Variants in MAGI2 observed in about 807,000 individuals in gnomAD.
MAGI2 encodes membrane associated guanylate kinase, WW and PDZ domain containing 2.
Under a neutral mutation model 133.3 loss-of-function variants are expected in MAGI2, and 35 were observed. The observed-to-expected ratio is 0.26, with a 90% confidence interval of 0.20 to 0.35. The LOEUF (loss-of-function observed/expected upper bound fraction) is 0.35. Among genes scored for constraint, MAGI2 ranks in the 10% least tolerant of loss-of-function variants. The pLI is 1.00. For missense variants in MAGI2, 1,636 were observed against 1,863.4 expected, an observed-to-expected ratio of 0.88 and a Z score of 2.25; for synonymous variants, 729 against 710.6, an observed-to-expected ratio of 1.03 and a Z score of -0.41.
At chr7:79,148,272 T>C (rs1263015476) in intron 1 of MAGI2, among the ~76,000 whole-genome samples, 7 of 152,282 alleles carry the variant, frequency 4.6e-5, no homozygotes, top group Admixed American at 1.3e-4. Context: ...TAGGATGCTT[T>C]GCTTCTCACT....
intron 9 of MAGI2, among the ~76,000 whole-genome samples, chr7:78,319,206 T>C (rs1212068809): frequency 6.6e-6 from 1 of 152,216 alleles, no homozygotes; most frequent in African/African-American, 2.4e-5. Context: ...ATCAGTGTGC[T>C]GTATTCAGGA....
intron 10 of MAGI2, among the ~76,000 whole-genome samples, chr7:78,245,222 T>C (rs1791637032): frequency 6.6e-6 from 1 of 152,158 alleles, no homozygotes; most frequent in African/African-American, 2.4e-5. Context: ...AGGATAAAAC[T>C]CCAGGGGGAT....
At chr7:78,354,853 C>G (rs1182407793) in intron 7 of MAGI2, among the ~76,000 whole-genome samples, 1 of 152,078 alleles carries the variant, frequency 6.6e-6, no homozygotes, top group African/African-American at 2.4e-5. Context: ...TCTTTAAATA[C>G]CTTGCCACTA....
chr7:79,056,006 CATT>C (rs1813114975), intron 1 of MAGI2, among the ~76,000 whole-genome samples: 1 of 152,168 alleles, frequency 6.6e-6, no homozygotes, highest in Non-Finnish European at 1.5e-5. Flanking sequence ...ACAGGTAAAA[CATT>C]AGCAGAGAGA....
intron 1 of MAGI2, among the ~76,000 whole-genome samples, chr7:79,218,249 T>C (rs1830185778): frequency 3.9e-5 from 6 of 152,002 alleles, no homozygotes. Flanking sequence ...CGCCACACTG[T>C]AAAAATCCCC....
chr7:79,280,608 G>C (rs1177227360), intron 1 of MAGI2, among the ~76,000 whole-genome samples: 1 of 151,942 alleles, frequency 6.6e-6, no homozygotes, highest in Non-Finnish European at 1.5e-5. Flanking sequence ...GGCAAAAGAT[G>C]ACTCAAGAAG....
intron 1 of MAGI2, among the ~76,000 whole-genome samples, chr7:79,336,047 A>G (rs1045502599): frequency 2.6e-5 from 4 of 152,136 alleles, no homozygotes; most frequent in Non-Finnish European, 5.9e-5. Flanking sequence ...CAAATCATTT[A>G]ACCAATATTC....
At chr7:78,513,216 A>AG (rs1795755265) in intron 4 of MAGI2, among the ~76,000 whole-genome samples, 1 of 152,218 alleles carries the variant, frequency 6.6e-6, no homozygotes, top group Non-Finnish European at 1.5e-5. Flanking sequence ...AGAGAAAATT[A>AG]GGAAGACTTT....
intron 2 of MAGI2, among the ~76,000 whole-genome samples, chr7:78,842,513 A>G (rs1792232732): frequency 6.6e-6 from 1 of 151,966 alleles, no homozygotes. Flanking sequence ...ACTTTTACAT[A>G]TTAATATTTT....
chr7:78,287,686 G>T (rs1796283801), intron 9 of MAGI2, among the ~76,000 whole-genome samples: 1 of 152,174 alleles, frequency 6.6e-6, no homozygotes, highest in African/African-American at 2.4e-5. Flanking sequence ...TAAGGAAGAT[G>T]AATGTAAACT....
chr7:79,167,778 C>T (rs1358706737), intron 1 of MAGI2, among the ~76,000 whole-genome samples: 2 of 152,014 alleles, frequency 1.3e-5, no homozygotes, highest in Non-Finnish European at 2.9e-5. Flanking sequence ...CTGTTGGGAA[C>T]AGTCCCCCCA....
chr7:79,125,356 G>C, intron 1 of MAGI2: 1 of 475,826 alleles, frequency 2.1e-6, no homozygotes, highest in Non-Finnish European at 4.1e-6. Context: ...TTGTCAAAGT[G>C]GTTTCAGTGG....
intron 4 of MAGI2, among the ~76,000 whole-genome samples, chr7:78,519,422 T>C (rs900049158): frequency 2.0e-5 from 3 of 152,134 alleles, no homozygotes; most frequent in African/African-American, 7.2e-5. Context: ...GGGCCACTTG[T>C]CCAGCAGGCT....
chr7:78,329,513 T>C (rs1463240314), intron 9 of MAGI2, among the ~76,000 whole-genome samples: 1 of 152,342 alleles, frequency 6.6e-6, no homozygotes, highest in East Asian at 1.9e-4. Flanking sequence ...CACCGAGCAC[T>C]TGCAAACCCA....
chr7:78,355,706 C>T (rs1018520348), intron 7 of MAGI2, among the ~76,000 whole-genome samples: 1 of 152,190 alleles, frequency 6.6e-6, no homozygotes, highest in Admixed American at 6.5e-5. Context: ...TATGTACAGA[C>T]ATGGGCTATG....
intron 1 of MAGI2, chr7:79,410,673 T>A (rs958950982): frequency 6.6e-6 from 1 of 152,162 alleles, no homozygotes; most frequent in African/African-American, 2.4e-5. Context: ...TATTACCTCA[T>A]ATGCCCACTC....
At chr7:78,730,494 A>G (rs1275722226) in intron 2 of MAGI2, among the ~76,000 whole-genome samples, 2 of 151,634 alleles carry the variant, frequency 1.3e-5, no homozygotes, top group Admixed American at 1.3e-4. Flanking sequence ...TTGATTATTC[A>G]TTAATGATAC....
At chr7:78,763,999 A>G (rs1824767492) in intron 2 of MAGI2, among the ~76,000 whole-genome samples, 1 of 152,230 alleles carries the variant, frequency 6.6e-6, no homozygotes, top group Non-Finnish European at 1.5e-5. Flanking sequence ...CAGGAGGTTT[A>G]GTACTACTAA....
At chr7:78,699,592 C>T (rs1372128958) in intron 2 of MAGI2, among the ~76,000 whole-genome samples, 2 of 152,100 alleles carry the variant, frequency 1.3e-5, no homozygotes, top group Non-Finnish European at 2.9e-5. Flanking sequence ...CTTCTAGGCC[C>T]AAGCATTCAG....
Sources: allele counts gnomAD v4.1 joint callset (sites outside exome capture counted in the v4.1 genomes callset), GRCh38; gene constraint gnomAD v4.1.1; transcripts MANE v1.5; gene names NCBI Gene and HGNC (gene_info 2026-07-23, HGNC 2026-07-21).